CCDC136: variants seen among roughly 807,000 people sequenced by gnomAD.
The protein encoded by CCDC136 is coiled-coil domain-containing protein 136.
Under a neutral mutation model 141.2 loss-of-function variants are expected in CCDC136, and 100 were observed. That is an observed-to-expected ratio of 0.71 (90% CI 0.60 to 0.84). The LOEUF (loss-of-function observed/expected upper bound fraction) is 0.84, where lower values mean the gene tolerates loss of function less well. Ranked by LOEUF, CCDC136 falls within the 40% of genes least tolerant of loss-of-function variation. CCDC136 has a pLI of 0.00. For missense variants in CCDC136, 1,206 were observed against 1,379.4 expected, an observed-to-expected ratio of 0.87 and a Z score of 1.99; for synonymous variants, 474 against 531.9, an observed-to-expected ratio of 0.89 and a Z score of 1.50.
chr7:128,796,155 TA>T (rs1802913057), intron 3 of CCDC136, among the ~76,000 whole-genome samples: 1 of 152,174 alleles, frequency 6.6e-6, no homozygotes, highest in Non-Finnish European at 1.5e-5. Context: ...ATTGTATTTT[TA>T]GTAGAGATGG....
In CCDC136 at chr7:128,794,370, C is replaced by G. The variant is rs759425198; in HGVS notation, c.39C>G (p.Leu13=). ...TAGGGGAGGTGTTACTCCCAGCTCT[C>G]TATGAGGAGGAAGAGGAAGAGGAAG... ...AMEGEVLLPA[L]YEEEEEEEEE... is the part of the protein sequence containing the mutation. Residue 13 remains leucine, a synonymous_variant, in exon 2 of 18, where the codon CTC becomes CTG. Coordinates refer to ENST00000297788, the MANE Select transcript of CCDC136 (RefSeq NM_022742.5). The surrounding 1 kb of genome is among the most constrained non-coding windows in gnomAD (Gnocchi z 4.3). 2 of 1,553,708 alleles carry G rather than the reference C, an allele frequency of 1.3e-6. No individual in the cohort carries two copies. The highest frequency in any genetic ancestry group is 1.7e-6 in the Non-Finnish European group (2 of 1,148,004).
intron 8 of CCDC136, 50 bp from the exon 9 acceptor site, chr7:128,806,638 G>A (rs753446873): frequency 5.7e-5 from 88 of 1,539,830 alleles, no homozygotes; most frequent in Non-Finnish European, 7.5e-5. Flanking sequence ...ACAGAAGAGT[G>A]AGTGGGTTAA....
chr7:128,793,767 G>A (rs1431760370), intron 1 of CCDC136, among the ~76,000 whole-genome samples: 3 of 152,018 alleles, frequency 2.0e-5, no homozygotes, highest in Non-Finnish European at 4.4e-5. Flanking sequence ...GTACTACCAC[G>A]CCCAGCTAAT....
Position 128,821,782 on chromosome 7 carries a change from C to T in CCDC136, c.*6-17C>T. 7.7e-7 allele frequency: 1 copy of T among 1,290,456 alleles called. No individual in the cohort carries two copies. The highest frequency in any genetic ancestry group is 1.0e-6 in the Non-Finnish European group (1 of 988,996). 79.9% of individuals were successfully genotyped at this position (1,290,456 alleles called of 1,614,324 possible). A position where few individuals can be genotyped will look rare whatever the true frequency, so the allele number is the denominator to read the frequency against. On this transcript the variant is annotated splice_polypyrimidine_tract_variant and intron_variant, in intron 17 of 17. Transcript: ENST00000297788. The surrounding 1 kb of genome is among the most constrained non-coding windows in gnomAD (Gnocchi z 5.1). ...TCAGGAGGCTGGGCACTCACAGTTT[C>T]TCTTTGGTCCCCACAGAACATGTTT... is the stretch of plus-strand genomic sequence containing the variant.
Position 128,792,395 on chromosome 7 carries a change from C to G in CCDC136, c.-17C>G, listed in dbSNP as rs183403624. The G allele has an allele frequency of 1.2e-6, 2 of 1,608,910 alleles. No individual in the cohort carries two copies. The highest frequency in any genetic ancestry group is 8.5e-7 in the Non-Finnish European group (1 of 1,177,410). On this transcript the variant is annotated 5_prime_UTR_variant, in exon 1 of 18. Coordinates refer to ENST00000297788, the MANE Select transcript of CCDC136 (RefSeq NM_022742.5). ...AGGAAGAAGGGCCAACGCTGGGGGT[C>G]CCTGGAACGACGGGGGATGCAAGCT... is the stretch of plus-strand genomic sequence containing the variant.
rs367980353 is a variant in CCDC136 at position 128,812,882 on chromosome 7, A to C, written c.2716A>C (p.Met906Leu). ...DACEREFKEC[M>L]ECLEKPMAPQ... ...CTGTGAAAGGGAGTTCAAGGAGTGCATGGAATGCCTTGAAAAGCCCATGGC... is the reference window on the plus strand; with the variant it reads ...CTGTGAAAGGGAGTTCAAGGAGTGCCTGGAATGCCTTGAAAAGCCCATGGC... The change falls in exon 14 of 18, where the codon ATG (methionine) becomes CTG (leucine). Residue 906 changes from methionine (M) to leucine (L), a missense_variant. Coordinates refer to ENST00000297788, the MANE Select transcript of CCDC136 (RefSeq NM_022742.5). 240 of 1,612,782 alleles carry C rather than the reference A, an allele frequency of 1.5e-4. 2 individuals are homozygous for C. In the South Asian group the frequency reaches 2.5e-3, roughly 17 times the overall value.
rs1805973026 is a variant in CCDC136, at chr7:128,812,764, G to A, written c.2598G>A (p.Met866Ile). Reference protein sequence around the residue: ...VLIKLQAVQAMYQISQEEHSQ... With the variant: ...VLIKLQAVQAIYQISQEEHSQ... The stretch of plus-strand genomic sequence containing the variant: ...TCAAGCTGCAGGCGGTGCAGGCCAT[G>A]TACCAGATAAGCCAGGAGGAACACA... Residue 866 changes from methionine to isoleucine, a missense_variant, in exon 14 of 18, where the codon ATG becomes ATA. Physicochemically the swap from Met to Ile is conservative, Grantham distance 10 (BLOSUM62 1). Coordinates refer to ENST00000297788, the MANE Select transcript of CCDC136 (RefSeq NM_022742.5). The A allele has an allele frequency of 6.2e-7, 1 of 1,613,474 alleles. No individual in the cohort carries two copies.
intron 1 of CCDC136, among the ~76,000 whole-genome samples, chr7:128,793,537 C>G (rs77573490): frequency 0.012 from 1,779 of 152,294 alleles, 12 homozygotes; most frequent in Non-Finnish European, 0.018. Context: ...TACCTGCTGA[C>G]GGGCAATGTT....
intron 14 of CCDC136, among the ~76,000 whole-genome samples, chr7:128,814,118 G>C (rs1311684786): frequency 6.7e-6 from 1 of 149,838 alleles, no homozygotes; most frequent in Non-Finnish European, 1.5e-5. Flanking sequence ...ACAGAGTCTT[G>C]CTCTGTCACC....
At position 128,805,405 on chromosome 7, in the gene CCDC136, A is replaced by G. The variant is rs573303786; in HGVS notation, c.829A>G (p.Met277Val). The G allele has an allele frequency of 2.4e-5, 38 of 1,611,942 alleles. No individual in the cohort carries two copies. In the African/African-American group the frequency reaches 3.9e-4, roughly 16 times the overall value. ...ERWLQSQTLS[M>V]TSAESQTSEM... Reference sequence around the variant, plus strand: ...ATGGCTGCAGTCCCAAACACTGAGTATGACGTCAGCAGAGTCTCAGACTTC... The same window carrying G: ...ATGGCTGCAGTCCCAAACACTGAGTGTGACGTCAGCAGAGTCTCAGACTTC... Residue 277 changes from methionine to valine, a missense_variant, in exon 6 of 18, where the codon ATG becomes GTG. Transcript: ENST00000297788. This position sits in a 1 kb window ranked among gnomAD's most constrained non-coding sequence, Gnocchi z 4.6.
At chr7:128,819,718 G>A (rs1238732894) in intron 17 of CCDC136, among the ~76,000 whole-genome samples, 1 of 152,052 alleles carries the variant, frequency 6.6e-6, no homozygotes, top group Admixed American at 6.5e-5. Context: ...CAGCCAGGAA[G>A]CTGCGAGTCA....
intron 9 of CCDC136, 83 bp from the exon 10 acceptor site, chr7:128,807,277 G>A (rs1805005995): frequency 9.7e-7 from 1 of 1,033,018 alleles, no homozygotes; most frequent in Non-Finnish European, 1.3e-6. Flanking sequence ...GGGAAGATGG[G>A]TCCCCTTAGT....
At position 128,799,172 on chromosome 7, in the gene CCDC136, TAA is replaced by T. The variant is rs35342890; in HGVS notation, c.347-1990_347-1989del. Among the ~76,000 whole-genome samples the T allele has an allele frequency of 2.2e-3, 112 of 51,310 alleles. 1 individual carries two copies. The highest frequency in any genetic ancestry group is 6.8e-3 in the African/African-American group (68 of 9,998). The allele number at this position is 51,310 out of a possible 152,430, so 33.7% of individuals were successfully genotyped here. ...CAGAAAGAGACCCCCATCTCTACAT[TAA>T]AAAAAAAAAAAAAAAAAAAAAAAGC... On this transcript the variant is annotated intron_variant, in intron 3 of 17. Transcript: ENST00000297788.
Position 128,809,524 on chromosome 7 carries a change from G to A in CCDC136, c.1680G>A (p.Leu560=). The A allele has an allele frequency of 6.4e-7, 1 of 1,555,014 alleles. No homozygotes were observed. Among genetic ancestry groups the A allele is most frequent in the South Asian group, 1.2e-5 (1 of 84,168 alleles). The part of the protein sequence containing the change: ...YKASQKEMGQ[L]QMEQCELLED... ...CCAGCCAGAAGGAGATGGGGCAGCTGCAGATGGAGCAGTGTGAGCTCCTGG... is the reference window on the plus strand; with the variant it reads ...CCAGCCAGAAGGAGATGGGGCAGCTACAGATGGAGCAGTGTGAGCTCCTGG... Residue 560 remains leucine, a synonymous_variant, in exon 11 of 18, where the codon CTG becomes CTA. Coordinates refer to ENST00000297788, the MANE Select transcript of CCDC136 (RefSeq NM_022742.5).
rs759751476 is a variant in CCDC136, at chr7:128,815,853, AGAG to A, written c.3294_3296del (p.Glu1098del). 1.1e-5 allele frequency: 18 copies of A among 1,613,616 alleles called. No homozygotes were observed. Among genetic ancestry groups the A allele is most frequent in the East Asian group, 2.2e-5 (1 of 44,880 alleles). On this transcript the variant is annotated inframe_deletion, in exon 16 of 18. Coordinates refer to ENST00000297788, the MANE Select transcript of CCDC136 (RefSeq NM_022742.5). Reference sequence around the variant, plus strand: ...AAGAGGAGAAGGAAGAAGACAGTGAAGAGGAGGAGGATGACGCCGACTCTTCCC... The same window carrying A: ...AAGAGGAGAAGGAAGAAGACAGTGAAGAGGAGGATGACGCCGACTCTTCCC...
intron 3 of CCDC136, among the ~76,000 whole-genome samples, chr7:128,795,393 G>A (rs1362814665): frequency 2.6e-5 from 4 of 152,084 alleles, no homozygotes; most frequent in Non-Finnish European, 5.9e-5. Flanking sequence ...TGTTACTTCT[G>A]TGGGCCTCCG....
intron 15 of CCDC136, 80 bp from the exon 16 acceptor site, chr7:128,815,534 G>T: frequency 4.2e-6 from 6 of 1,420,338 alleles, no homozygotes; most frequent in Non-Finnish European, 5.6e-6. Context: ...CATGTTTCCT[G>T]GAGCTAGTAC....
At chr7:128,800,474 T>C (rs551020746) in intron 3 of CCDC136, among the ~76,000 whole-genome samples, 1 of 151,296 alleles carries the variant, frequency 6.6e-6, no homozygotes, top group Non-Finnish European at 1.5e-5. Flanking sequence ...TTTTTTTTTT[T>C]AGCGAAGACT....
At chr7:128,791,758 C>T (rs1188879297), upstream of CCDC136, 5 of 407,172 alleles carry the variant, frequency 1.2e-5, no homozygotes, top group African/African-American at 4.1e-5. The surrounding 1 kb of genome is among the most constrained non-coding windows in gnomAD (Gnocchi z 7.1). Flanking sequence ...CGCATCCTGC[C>T]TGGTGGTCCC....
Sources: allele counts gnomAD v4.1 joint callset (sites outside exome capture counted in the v4.1 genomes callset), GRCh38; gene constraint gnomAD v4.1.1; non-coding constraint Gnocchi (gnomAD v3.1); transcripts MANE v1.5; gene names NCBI Gene and HGNC (gene_info 2026-07-23, HGNC 2026-07-21).